BNC2: variants seen among roughly 807,000 people sequenced by gnomAD.
The protein encoded by BNC2 is zinc finger protein basonuclin-2.
A neutral mutation model predicts 76.3 loss-of-function variants in BNC2; 20 were observed. The observed-to-expected ratio is 0.26, with a 90% CI of 0.18 to 0.38. The LOEUF (loss-of-function observed/expected upper bound fraction) is 0.38. Ranked by LOEUF, BNC2 falls within the 10% of genes least tolerant of loss-of-function variation. BNC2 has a pLI of 1.00. For synonymous variants in BNC2, 582 were observed against 514.8 expected (o/e 1.13, Z -1.77); for missense variants, 1,382 against 1,399.8 (o/e 0.99, Z 0.20).
intron 3 of BNC2, among the ~76,000 whole-genome samples, chr9:16,591,171 C>T (rs1473123095): frequency 3.9e-5 from 6 of 152,158 alleles, no homozygotes; most frequent in Non-Finnish European, 8.8e-5. Context: ...TAACTGGCCA[C>T]ATCACAATAC....
At chr9:16,802,600 G>C (rs796582727) in intron 1 of BNC2, among the ~76,000 whole-genome samples, 4 of 152,302 alleles carry the variant, frequency 2.6e-5, no homozygotes, top group African/African-American at 9.6e-5. Flanking sequence ...TCCTAGAGTA[G>C]AGACAACTTG....
intron 3 of BNC2, among the ~76,000 whole-genome samples, chr9:16,697,537 CAT>C (rs1823375258): frequency 6.6e-6 from 1 of 151,974 alleles, no homozygotes; most frequent in Non-Finnish European, 1.5e-5. Flanking sequence ...GCCTGGCCAA[CAT>C]AGCAAAACCC....
intron 5 of BNC2, among the ~76,000 whole-genome samples, chr9:16,512,012 G>T (rs572557108): frequency 2.6e-5 from 4 of 152,130 alleles, no homozygotes; most frequent in African/African-American, 9.7e-5. Context: ...AAAAATTTAT[G>T]TGAAACCTAC....
chr9:16,788,079 G>C (rs987026919), intron 1 of BNC2, among the ~76,000 whole-genome samples: 1 of 152,154 alleles, frequency 6.6e-6, no homozygotes, highest in Non-Finnish European at 1.5e-5. Flanking sequence ...CTGGTGGAAA[G>C]GATGTCCAGG....
At position 16,738,352 on chromosome 9, in the gene BNC2, C is replaced by T; in HGVS notation, c.129+8G>A. On this transcript the variant is annotated splice_region_variant and intron_variant, in intron 2 of 6. Coordinates refer to ENST00000380672, the MANE Select transcript of BNC2 (RefSeq NM_017637.6). Reference sequence around the variant, plus strand: ...TAACTTAAAGGGGGAAAAAAAAAACCAACATACCTCAATTTGAGATGTATC... The same window carrying T: ...TAACTTAAAGGGGGAAAAAAAAAACTAACATACCTCAATTTGAGATGTATC... The T allele has an allele frequency of 6.2e-7, 1 of 1,611,906 alleles. No homozygotes were observed. Among genetic ancestry groups the T allele is most frequent in the Non-Finnish European group, 8.5e-7 (1 of 1,179,278 alleles).
chr9:16,609,449 G>C (rs1820478697), intron 3 of BNC2, among the ~76,000 whole-genome samples: 1 of 152,138 alleles, frequency 6.6e-6, no homozygotes, highest in Non-Finnish European at 1.5e-5. Flanking sequence ...AGCTTGAGCT[G>C]CTCCAGGACA....
intron 5 of BNC2, among the ~76,000 whole-genome samples, chr9:16,478,360 A>C (rs1761369067): frequency 6.6e-6 from 1 of 152,190 alleles, no homozygotes; most frequent in Non-Finnish European, 1.5e-5. Flanking sequence ...CCTCATACAC[A>C]GTGGTACCCA....
chr9:16,772,486 T>C, intron 1 of BNC2, among the ~76,000 whole-genome samples: 1 of 152,188 alleles, frequency 6.6e-6, no homozygotes, highest in Non-Finnish European at 1.5e-5. Flanking sequence ...CATCATATAG[T>C]AGTTATATGT....
At chr9:16,657,542 G>C (rs10962522) in intron 3 of BNC2, among the ~76,000 whole-genome samples, 6,998 of 152,246 alleles carry the variant, frequency 0.046, 319 homozygotes, top group East Asian at 0.23. Context: ...TCTAAAGGCT[G>C]AGTTCTGAAT....
At chr9:16,681,421 G>C (rs748175405) in intron 3 of BNC2, among the ~76,000 whole-genome samples, 5 of 152,044 alleles carry the variant, frequency 3.3e-5, no homozygotes, top group Non-Finnish European at 7.3e-5. Context: ...AGATGAAATG[G>C]GCAAGGGAGA....
Position 16,437,106 on chromosome 9 carries a change from T to C in BNC2, c.1088A>G (p.Tyr363Cys). 3 of 1,614,204 alleles carry C rather than the reference T, an allele frequency of 1.9e-6. No homozygotes were observed. The highest frequency in any genetic ancestry group is 2.2e-5 in the East Asian group (1 of 44,870). The change falls in exon 6 of 7, where the codon TAT (tyrosine) becomes TGT (cysteine). Residue 363 changes from tyrosine (Y) to cysteine (C), a missense_variant. Coordinates refer to ENST00000380672, the MANE Select transcript of BNC2 (RefSeq NM_017637.6). ...AACTTCGGATTCGCTGCTCTCATTATATTCATTCTGAGTTGAAAGGCTGGG... is the reference window on the plus strand; with the variant it reads ...AACTTCGGATTCGCTGCTCTCATTACATTCATTCTGAGTTGAAAGGCTGGG... ...REPSLSTQNE[Y>C]NESSESEVSP...
chr9:16,713,954 A>C (rs1342921897), intron 3 of BNC2, among the ~76,000 whole-genome samples: 1 of 152,066 alleles, frequency 6.6e-6, no homozygotes, highest in Non-Finnish European at 1.5e-5. Flanking sequence ...GTGTATCTAT[A>C]TTCCAGGTAC....
chr9:16,498,072 T>G (rs1488381484), intron 5 of BNC2, among the ~76,000 whole-genome samples: 1 of 148,062 alleles, frequency 6.8e-6, no homozygotes, highest in East Asian at 2.0e-4. Flanking sequence ...TATATATATA[T>G]TCTATCATAT....
intron 5 of BNC2, among the ~76,000 whole-genome samples, chr9:16,506,312 G>C (rs1182636486): frequency 6.6e-6 from 1 of 152,050 alleles, no homozygotes; most frequent in Admixed American, 6.6e-5. Context: ...CCTTCAGGAA[G>C]ACAACCATTA....
chr9:16,762,224 C>T (rs1825571984), intron 1 of BNC2, among the ~76,000 whole-genome samples: 1 of 152,130 alleles, frequency 6.6e-6, no homozygotes, highest in African/African-American at 2.4e-5. Flanking sequence ...ACCTCACCTT[C>T]TGGAATTTTT....
At position 16,437,048 on chromosome 9, in the gene BNC2, G is replaced by A; in HGVS notation, c.1146C>T (p.Pro382=). 1 of 1,614,058 alleles carries A rather than the reference G, an allele frequency of 6.2e-7. No homozygotes were observed. Among genetic ancestry groups the A allele is most frequent in the Non-Finnish European group, 8.5e-7 (1 of 1,180,012 alleles). Residue 382 remains proline, a synonymous_variant, in exon 6 of 7, where the codon CCC becomes CCT. Transcript: ENST00000380672. The part of the protein sequence containing the change: ...SPTPYKNDQT[P]NRNALTSITN... ...TAATGCTGGTCAGGGCATTTCTATT[G>A]GGTGTTTGATCATTCTTATAAGGTG...
chr9:16,551,685 C>T (rs571751123), intron 5 of BNC2, among the ~76,000 whole-genome samples: 32 of 152,294 alleles, frequency 2.1e-4, no homozygotes, highest in Admixed American at 3.9e-4. Context: ...CCTGGGATCT[C>T]CCAAAATGCT....
chr9:16,816,939 C>T (rs773161360), intron 1 of BNC2, among the ~76,000 whole-genome samples: 1 of 152,120 alleles, frequency 6.6e-6, no homozygotes, highest in Non-Finnish European at 1.5e-5. Context: ...TCTAGGACTC[C>T]CCAAAGTTTA....
At chr9:16,555,394 A>T (rs1011364064) in intron 4 of BNC2, among the ~76,000 whole-genome samples, 5 of 152,170 alleles carry the variant, frequency 3.3e-5, no homozygotes, top group African/African-American at 1.2e-4. Flanking sequence ...TTAAAAGAGC[A>T]CAGAAAGAAC....
Sources: gnomAD v4.1 joint callset for allele counts (sites outside exome capture counted in the v4.1 genomes callset) on GRCh38, gnomAD v4.1.1 for gene constraint, MANE v1.5 for transcripts, NCBI Gene and HGNC (gene_info 2026-07-23, HGNC 2026-07-21) for gene names.